The following EYA3 variants were observed in gnomAD, a reference collection of about 807,000 sequenced individuals.
EYA3 encodes the protein protein phosphatase EYA3.
A neutral mutation model predicts 80.0 loss-of-function variants in EYA3; 39 were observed. That is an observed-to-expected ratio of 0.49 (90% CI 0.38 to 0.64). EYA3 has a LOEUF of 0.64. EYA3 is among the 30% of genes least tolerant of loss of function. EYA3 has a pLI of 0.00. For missense variants in EYA3, 523 were observed against 676.1 expected (o/e 0.77, Z 2.51); for synonymous variants, 206 against 232.8 (o/e 0.88, Z 1.05).
chr1:28,053,228 AC>A (rs1230782513), intron 2 of EYA3, among the ~76,000 whole-genome samples: 1 of 151,896 alleles, frequency 6.6e-6, no homozygotes, highest in African/African-American at 2.4e-5. Context: ...GGTAATGGTT[AC>A]AAAACCATTT....
At position 28,015,851 on chromosome 1, in the gene EYA3, T is replaced by C. The variant is rs576431950; in HGVS notation, c.585+1303A>G. Among the ~76,000 whole-genome samples, 218 of 152,146 alleles carry C rather than the reference T, an allele frequency of 1.4e-3. 1 individual carries two copies. The highest frequency in any genetic ancestry group is 4.8e-3 in the African/African-American group (201 of 41,504). On this transcript the variant is annotated intron_variant, in intron 8 of 17. Transcript: ENST00000373871. ...TTAGGCCTAGGTTTATTAAGAAAAA[T>C]GTAGTATCACTAATAAGAATTAAGA...
chr1:28,076,700 A>AG (rs896693058), intron 1 of EYA3, among the ~76,000 whole-genome samples: 3 of 149,026 alleles, frequency 2.0e-5, no homozygotes, highest in Non-Finnish European at 4.5e-5. Context: ...AGAAAAGAAA[A>AG]AAAATGTCTC....
chr1:28,007,339 T>A (rs1370414321), intron 10 of EYA3, among the ~76,000 whole-genome samples: 1 of 146,066 alleles, frequency 6.8e-6, no homozygotes, highest in Non-Finnish European at 1.5e-5. Flanking sequence ...CTTTCTTTCT[T>A]TTTTTTTTTT....
chr1:28,027,865 T>G lies in EYA3; in HGVS notation c.423A>C (p.Gln141His), dbSNP rs748817789. ...SGLIQTPSPS[Q>H]HSVLTCTTGL... ...CTGTAGTGCAGGTAAGAACACTGTG[T>G]TGACTTGGAGATGGAGTCTGAATTA... The change falls in exon 7 of 18, where the codon CAA becomes CAC. Residue 141 changes from glutamine to histidine, a missense_variant. Physicochemically the swap from Gln to His is conservative, Grantham distance 24 (BLOSUM62 0). Coordinates refer to ENST00000373871, the MANE Select transcript of EYA3 (RefSeq NM_001990.4). The G allele has an allele frequency of 2.5e-6, 4 of 1,614,192 alleles. No homozygotes were observed. In the South Asian group the frequency reaches 4.4e-5, roughly 18 times the overall value.
chr1:28,077,691 A>T (rs6680157), intron 1 of EYA3, among the ~76,000 whole-genome samples: 1,957 of 152,312 alleles, frequency 0.013, 40 homozygotes, highest in African/African-American at 0.044. Context: ...GAAATTTTTT[A>T]AAAAATCTGT....
In EYA3 at chr1:27,974,410, C is replaced by A; in HGVS notation, c.*56G>T. 1 of 1,400,730 alleles carries A rather than the reference C, an allele frequency of 7.1e-7. No homozygotes were observed. Among genetic ancestry groups the A allele is most frequent in the South Asian group, 1.2e-5 (1 of 84,526 alleles). 86.8% of individuals were successfully genotyped at this position (1,400,730 alleles called of 1,614,324 possible). ...GAAAGTTCTCAGTTGGTTCCAGTCT[C>A]CAGCTCCCTTCAGGAGTGAAAAGGA... On this transcript the variant is annotated 3_prime_UTR_variant, in exon 18 of 18. Transcript: ENST00000373871.
intron 7 of EYA3, among the ~76,000 whole-genome samples, chr1:28,018,382 C>A (rs1055168924): frequency 6.6e-6 from 1 of 152,086 alleles, no homozygotes; most frequent in Non-Finnish European, 1.5e-5. Flanking sequence ...CTCAGGTGAA[C>A]AATGTAACTG....
In EYA3 at chr1:28,013,115, G is replaced by A. The variant is rs755171068; in HGVS notation, c.765C>T (p.Ser255=). 28 of 1,611,690 alleles carry A rather than the reference G, an allele frequency of 1.7e-5. No homozygotes were observed. The highest frequency in any genetic ancestry group is 2.4e-5 in the Non-Finnish European group (28 of 1,179,310). ...TTTCAGAGCTGCGGTGCTTACCAGA[G>A]GAAAGTCTCTGTGCTGCAGGTGCAG... ...MAPAPAAQRL[S]SGDPSTSPSL... is the part of the protein sequence containing the mutation. Residue 255 remains serine, a synonymous_variant, in exon 9 of 18, where the codon TCC becomes TCT. Coordinates refer to ENST00000373871, the MANE Select transcript of EYA3 (RefSeq NM_001990.4). The surrounding 1 kb of genome is among the most constrained non-coding windows in gnomAD (Gnocchi z 4.0).
chr1:27,977,451 A>C, intron 17 of EYA3: 1 of 1,461,868 alleles, frequency 6.8e-7, no homozygotes, highest in South Asian at 1.2e-5. Flanking sequence ...TTAGCAGATG[A>C]GGATACTCAA....
chr1:28,077,504 A>C (rs1645265720), intron 1 of EYA3, among the ~76,000 whole-genome samples: 1 of 152,188 alleles, frequency 6.6e-6, no homozygotes, highest in Non-Finnish European at 1.5e-5. Context: ...TGAATTAGCT[A>C]TGTCAAAGTG....
rs886435157 is a variant in EYA3, at chr1:28,002,734, C to A, written c.993+1602G>T. ...GACTGAGGCAGGAGGATTGCTTTAG[C>A]TCAAGAGATCGAAGCTGCAGTGAGC... is the stretch of plus-strand genomic sequence containing the variant. On this transcript the variant is annotated intron_variant, in intron 11 of 17. Coordinates refer to ENST00000373871, the MANE Select transcript of EYA3 (RefSeq NM_001990.4). Among the ~76,000 whole-genome samples the A allele has an allele frequency of 5.3e-5, 8 of 152,060 alleles. No homozygotes were observed. In the South Asian group the frequency reaches 1.7e-3, roughly 32 times the overall value.
chr1:28,058,985 A>G (rs1270473462), intron 1 of EYA3, among the ~76,000 whole-genome samples: 1 of 152,224 alleles, frequency 6.6e-6, no homozygotes, highest in Non-Finnish European at 1.5e-5. Flanking sequence ...AATTAAAGTC[A>G]CAGCTGTTTT....
chr1:28,033,693 C>T (rs1430313144), intron 6 of EYA3, among the ~76,000 whole-genome samples: 2 of 148,362 alleles, frequency 1.3e-5, no homozygotes, highest in African/African-American at 2.5e-5. Flanking sequence ...CTTGCTCTGT[C>T]GCCCAGGCTG....
chr1:28,010,416 A>T (rs1032539389), intron 10 of EYA3, among the ~76,000 whole-genome samples: 13 of 152,132 alleles, frequency 8.5e-5, no homozygotes, highest in African/African-American at 3.1e-4. Flanking sequence ...TTTGAGACAG[A>T]GTCTCACTCT....
intron 10 of EYA3, among the ~76,000 whole-genome samples, chr1:28,008,000 A>C (rs1338902082): frequency 2.0e-5 from 3 of 152,208 alleles, no homozygotes; most frequent in Admixed American, 1.3e-4. Context: ...ACAGTAACCA[A>C]AACAGTGTGG....
intron 7 of EYA3, among the ~76,000 whole-genome samples, chr1:28,024,964 C>T (rs1642684835): frequency 6.6e-6 from 1 of 152,174 alleles, no homozygotes; most frequent in Non-Finnish European, 1.5e-5. Context: ...ATTTCCCTAA[C>T]TCCCCCAGGG....
chr1:28,051,266 C>T (rs1644238460), intron 2 of EYA3, among the ~76,000 whole-genome samples: 1 of 151,914 alleles, frequency 6.6e-6, no homozygotes, highest in South Asian at 2.1e-4. Context: ...AACTGATAAA[C>T]AAGTTCAGCA....
At chr1:27,996,427 G>C (rs1571746051) in intron 13 of EYA3, among the ~76,000 whole-genome samples, 1 of 152,096 alleles carries the variant, frequency 6.6e-6, no homozygotes, top group East Asian at 1.9e-4. Context: ...AAAACAACTG[G>C]GGTTCAGAGC....
intron 10 of EYA3, among the ~76,000 whole-genome samples, chr1:28,005,582 G>A (rs1055378484): frequency 1.3e-5 from 2 of 151,920 alleles, no homozygotes; most frequent in African/African-American, 2.4e-5. Flanking sequence ...AGTTCCGGTG[G>A]TGCATGCCGG....
Sources: gnomAD v4.1 joint callset for allele counts (sites outside exome capture counted in the v4.1 genomes callset) on GRCh38, gnomAD v4.1.1 for gene constraint, Gnocchi (gnomAD v3.1) non-coding constraint, MANE v1.5 for transcripts, NCBI Gene and HGNC (gene_info 2026-07-23, HGNC 2026-07-21) for gene names.